Variants in MYO5B observed in about 807,000 individuals in gnomAD.
MYO5B encodes unconventional myosin-Vb.
Under a neutral mutation model 229.3 loss-of-function variants are expected in MYO5B, and 143 were observed. The ratio of observed to expected loss-of-function variants is 0.62; its 90% CI spans 0.54 to 0.72. The LOEUF is 0.72. MYO5B is among the 30% of genes least tolerant of loss of function. The pLI is 0.00. For synonymous variants in MYO5B, 918 were observed against 885.2 expected (o/e 1.04, Z -0.66); for missense variants, 2,321 against 2,331.0 (o/e 1.00, Z 0.09).
intron 2 of MYO5B, among the ~76,000 whole-genome samples, chr18:50,054,223 A>T (rs1212562290): frequency 1.3e-5 from 2 of 152,020 alleles, no homozygotes; most frequent in Non-Finnish European, 2.9e-5. Flanking sequence ...TCCTTCCCAA[A>T]ACCCCCTCTC....
intron 1 of MYO5B, among the ~76,000 whole-genome samples, chr18:50,141,500 C>G (rs1014301247): frequency 6.6e-6 from 1 of 152,224 alleles, no homozygotes; most frequent in Non-Finnish European, 1.5e-5. Flanking sequence ...TACCCTACCA[C>G]CAGCTCCCCT....
chr18:50,039,395 G>A (rs1449872517), intron 3 of MYO5B, among the ~76,000 whole-genome samples: 1 of 152,044 alleles, frequency 6.6e-6, no homozygotes, highest in African/African-American at 2.4e-5. Flanking sequence ...GCAGTGGCGC[G>A]ATCTCGGCTC....
rs746798083 is a variant in MYO5B, at chr18:49,880,385, A to G, written c.3116T>C (p.Leu1039Pro). The G allele has an allele frequency of 2.5e-6, 4 of 1,613,948 alleles. No individual in the cohort carries two copies. The highest frequency in any genetic ancestry group is 3.4e-6 in the Non-Finnish European group (4 of 1,179,914). The change falls in exon 23 of 40, where the codon CTG becomes CCG. Residue 1039 changes from leucine to proline, a missense_variant. This residue lies in a region of MYO5B where 2,113 missense variants were observed against 2,044.7 expected (regional missense o/e 1.03). Coordinates refer to ENST00000285039, the MANE Select transcript of MYO5B (RefSeq NM_001080467.3). ...DEKEQLNNQI[L>P]CQSKDEFAQN... is the part of the protein sequence containing the mutation. ...TTGGTACTTACCTTTAGACTGGCACAGGATTTGGTTGTTGAGCTGTTCTTT... is the reference window on the plus strand; with the variant it reads ...TTGGTACTTACCTTTAGACTGGCACGGGATTTGGTTGTTGAGCTGTTCTTT...
intron 30 of MYO5B, 62 bp downstream of exon 30, chr18:49,856,751 A>G (rs2024267019): frequency 7.2e-7 from 1 of 1,396,838 alleles, no homozygotes. Flanking sequence ...AAAACGGTTA[A>G]GCATAGACAT....
At chr18:50,054,441 G>A (rs1477452607) in intron 2 of MYO5B, among the ~76,000 whole-genome samples, 1 of 152,102 alleles carries the variant, frequency 6.6e-6, no homozygotes, top group Non-Finnish European at 1.5e-5. Flanking sequence ...TTGTGTTCAT[G>A]TTCACTGCCC....
At chr18:50,184,315 C>T (rs2033117253) in intron 1 of MYO5B, among the ~76,000 whole-genome samples, 1 of 152,084 alleles carries the variant, frequency 6.6e-6, no homozygotes, top group Admixed American at 6.6e-5. Flanking sequence ...TCTTTCTGCA[C>T]ATGGACTCGA....
intron 4 of MYO5B, among the ~76,000 whole-genome samples, chr18:50,033,003 T>C (rs1426013523): frequency 6.6e-6 from 1 of 152,008 alleles, no homozygotes; most frequent in Non-Finnish European, 1.5e-5. Flanking sequence ...AAAAAATGTG[T>C]TTTCATTTCT....
chr18:49,839,955 C>T (rs1181424871), intron 35 of MYO5B: 2 of 156,608 alleles, frequency 1.3e-5, no homozygotes, highest in African/African-American at 2.4e-5. Flanking sequence ...GGGCAACCAT[C>T]TTCAGCAAGG....
chr18:50,071,025 T>C (rs112251573), intron 1 of MYO5B, among the ~76,000 whole-genome samples: 5,756 of 152,302 alleles, frequency 0.038, 362 homozygotes, highest in African/African-American at 0.13. Flanking sequence ...AGTCCCGCTA[T>C]GTTGCCTAGG....
intron 17 of MYO5B, among the ~76,000 whole-genome samples, chr18:49,923,457 C>T (rs1598885146): frequency 6.6e-6 from 1 of 152,096 alleles, no homozygotes; most frequent in Non-Finnish European, 1.5e-5. Flanking sequence ...CCATGTGAGC[C>T]CCTAGAAGCA....
intron 2 of MYO5B, among the ~76,000 whole-genome samples, chr18:50,048,083 TATAATA>T (rs35442968): frequency 0.018 from 2,624 of 148,144 alleles, 43 homozygotes; most frequent in African/African-American, 0.05. Context: ...AACCTTTAAG[TATAATA>T]ATAATAATAA....
chr18:50,033,127 C>T (rs949435070), intron 4 of MYO5B, among the ~76,000 whole-genome samples: 6 of 152,190 alleles, frequency 3.9e-5, no homozygotes, highest in Non-Finnish European at 8.8e-5. Flanking sequence ...GACATTCCCA[C>T]TAGCAGGGTG....
At chr18:50,152,050 G>A (rs899939512) in intron 1 of MYO5B, among the ~76,000 whole-genome samples, 48 of 152,184 alleles carry the variant, frequency 3.2e-4, no homozygotes, top group African/African-American at 1.1e-3. Context: ...AATGAATTAC[G>A]TAAACAAGAG....
In MYO5B at chr18:49,984,726, G is replaced by A. The variant is rs748007470; in HGVS notation, c.938C>T (p.Thr313Ile). The A allele has an allele frequency of 1.4e-5, 22 of 1,609,556 alleles. No individual in the cohort carries two copies. The South Asian group carries it at 1.6e-4, about 12-fold the overall frequency. The change falls in exon 8 of 40, where the codon ACA (threonine) becomes ATA (isoleucine). Residue 313 changes from threonine to isoleucine, a missense_variant. By Grantham distance (89) the Thr-to-Ile change is moderately conservative (BLOSUM62 -1). Transcript: ENST00000285039. ...EDFEKTRQAF[T>I]LLGVKESHQM... ...ACTAAGAAGCTCCTTACCGAGGAGT[G>A]TGAAGGCTTGTCGAGTCTTCTCAAA...
intron 1 of MYO5B, among the ~76,000 whole-genome samples, chr18:50,094,792 C>T (rs1188844048): frequency 6.6e-6 from 1 of 152,054 alleles, no homozygotes; most frequent in Admixed American, 6.6e-5. Flanking sequence ...AAAACTGAAA[C>T]CAGGATCTAT....
At chr18:49,875,608 G>A in intron 26 of MYO5B, 79 bp downstream of exon 26, 3 of 1,575,788 alleles carry the variant, frequency 1.9e-6, no homozygotes, top group Non-Finnish European at 2.6e-6. Context: ...GGTCACACAT[G>A]CCACATGAGC....
chr18:49,897,114 T>A (rs980867558), intron 21 of MYO5B, among the ~76,000 whole-genome samples: 4 of 152,158 alleles, frequency 2.6e-5, no homozygotes, highest in East Asian at 3.8e-4. Flanking sequence ...TTCATGGGCA[T>A]CCAGATATTG....
At chr18:49,902,569 C>A (rs1036383614) in intron 21 of MYO5B, 25 bp downstream of exon 21, 1 of 1,608,264 alleles carries the variant, frequency 6.2e-7, no homozygotes. Flanking sequence ...CCCCGACACC[C>A]AGGTAGGGAG....
intron 22 of MYO5B, among the ~76,000 whole-genome samples, chr18:49,882,047 A>T (rs1231215650): frequency 6.6e-6 from 1 of 152,140 alleles, no homozygotes; most frequent in Non-Finnish European, 1.5e-5. Flanking sequence ...GCTGTCAAGT[A>T]ATTTTCCCTA....
Sources: allele counts gnomAD v4.1 joint callset (sites outside exome capture counted in the v4.1 genomes callset), GRCh38; gene constraint gnomAD v4.1.1; regional missense constraint gnomAD v4.1.1; transcripts MANE v1.5; gene names NCBI Gene and HGNC (gene_info 2026-07-23, HGNC 2026-07-21).